Variants in PID1 observed in about 807,000 individuals in gnomAD.
PID1 encodes the protein phosphotyrosine interaction domain containing 1.
PID1 carries 10 observed loss-of-function variants against 19.1 expected under a neutral mutation model. The ratio of observed to expected loss-of-function variants is 0.52; its 90% CI spans 0.32 to 0.89. The LOEUF (loss-of-function observed/expected upper bound fraction) is 0.89. PID1 is among the 40% of genes least tolerant of loss of function. The pLI, the probability that PID1 is intolerant of heterozygous loss-of-function variation, is 0.03. For synonymous variants in PID1, 130 were observed against 116.0 expected (o/e 1.12, Z -0.78); for missense variants, 248 against 285.3 (o/e 0.87, Z 0.94).
intron 2 of PID1, among the ~76,000 whole-genome samples, chr2:229,147,824 A>T (rs895429479): frequency 2.6e-5 from 4 of 152,200 alleles, no homozygotes; most frequent in African/African-American, 9.6e-5. Context: ...TTTGCCCAAA[A>T]GTTGGGCTTT....
At chr2:229,140,878 A>C (rs958335772) in intron 2 of PID1, among the ~76,000 whole-genome samples, 1 of 152,134 alleles carries the variant, frequency 6.6e-6, no homozygotes, top group East Asian at 1.9e-4. Context: ...TATAATTATC[A>C]GTAGTGTTTC....
rs1693402100 is a variant in PID1 at position 229,025,765 on chromosome 2, T to A, written c.521A>T (p.Glu174Val). The A allele has an allele frequency of 6.2e-7, 1 of 1,614,242 alleles. No individual in the cohort carries two copies. The highest frequency in any genetic ancestry group is 2.2e-5 in the East Asian group (1 of 44,870). Residue 174 changes from glutamate to valine, a missense_variant, in exon 3 of 3, where the codon GAG (glutamate) becomes GTG (valine). Physicochemically the swap from Glu to Val is moderately radical, Grantham distance 121. Coordinates refer to ENST00000392055, the MANE Select transcript of PID1 (RefSeq NM_001100818.2). ...CATGGCGTGGGCCAGTTTCTTGGCC[T>A]CGAGCTTGCTCTCGCACTCCACGGC... is the stretch of plus-strand genomic sequence containing the variant. The part of the protein sequence containing the change: ...CHAVECESKL[E>V]AKKLAHAMME...
intron 1 of PID1, among the ~76,000 whole-genome samples, chr2:229,268,733 T>A (rs1690657715): frequency 6.6e-6 from 1 of 152,132 alleles, no homozygotes; most frequent in Admixed American, 6.5e-5. Flanking sequence ...TGATATCCAC[T>A]GCTATCTCTG....
rs77618885 is a variant in PID1, at chr2:229,063,687, T to C, written c.178-37579A>G. Among the ~76,000 whole-genome samples, 761 of 152,254 alleles carry C rather than the reference T, an allele frequency of 5.0e-3. 7 individuals carry two copies. The highest frequency in any genetic ancestry group is 0.017 in the African/African-American group (726 of 41,560). ...ATCCACTGTTTCCCTGTTGATTTTCTGTCTGGATGATCTATCCATTGCTGA... is the reference window on the plus strand; with the variant it reads ...ATCCACTGTTTCCCTGTTGATTTTCCGTCTGGATGATCTATCCATTGCTGA... On this transcript the variant is annotated intron_variant, in intron 2 of 2. Coordinates refer to ENST00000392055, the MANE Select transcript of PID1 (RefSeq NM_001100818.2).
intron 2 of PID1, among the ~76,000 whole-genome samples, chr2:229,048,909 C>T (rs891514439): frequency 6.6e-6 from 1 of 151,996 alleles, no homozygotes; most frequent in African/African-American, 2.4e-5. Context: ...ACCACAGGAC[C>T]TGAGAAATTA....
intron 1 of PID1, among the ~76,000 whole-genome samples, chr2:229,157,708 T>A (rs1246270102): frequency 6.6e-6 from 1 of 152,192 alleles, no homozygotes; most frequent in Non-Finnish European, 1.5e-5. Context: ...CAAGAGGCTA[T>A]GCATTGGAAC....
Position 229,046,584 on chromosome 2 carries a change from A to C in PID1, c.178-20476T>G, listed in dbSNP as rs547610674. Among the ~76,000 whole-genome samples the C allele has an allele frequency of 2.0e-5, 3 of 152,164 alleles. No homozygotes were observed. In the East Asian group the frequency reaches 5.8e-4, roughly 29 times the overall value. On this transcript the variant is annotated intron_variant, in intron 2 of 2. Coordinates refer to ENST00000392055, the MANE Select transcript of PID1 (RefSeq NM_001100818.2). ...ATTTCTTTCAGAAAAAGTAAAAAAAAAATTATATAATTTAAGCCCTAGATA... is the reference window on the plus strand; with the variant it reads ...ATTTCTTTCAGAAAAAGTAAAAAAACAATTATATAATTTAAGCCCTAGATA...
chr2:229,151,634 G>T lies in PID1; in HGVS notation c.177+4184C>A, dbSNP rs551368521. On this transcript the variant is annotated intron_variant, in intron 2 of 2. Coordinates refer to ENST00000392055, the MANE Select transcript of PID1 (RefSeq NM_001100818.2). ...CACCCAGGCTGGAGTGCAGTGGCACGATCTCGGCTCACTGCAAGCTCCACC... is the reference window on the plus strand; with the variant it reads ...CACCCAGGCTGGAGTGCAGTGGCACTATCTCGGCTCACTGCAAGCTCCACC... Among the ~76,000 whole-genome samples, 4 of 150,186 alleles carry T rather than the reference G, an allele frequency of 2.7e-5. 1 individual carries two copies. In the Middle Eastern group the frequency reaches 0.01, roughly 391 times the overall value.
At chr2:229,240,775 A>G (rs374402710) in intron 1 of PID1, among the ~76,000 whole-genome samples, 1 of 152,118 alleles carries the variant, frequency 6.6e-6, no homozygotes, top group Non-Finnish European at 1.5e-5. Flanking sequence ...GGAAATTTTT[A>G]TCCATTATTT....
intron 1 of PID1, among the ~76,000 whole-genome samples, chr2:229,193,746 G>T (rs1691313470): frequency 1.3e-5 from 2 of 150,048 alleles, no homozygotes; most frequent in South Asian, 4.2e-4. Flanking sequence ...ATACTTAATA[G>T]TATGTACTTA....
At chr2:229,066,087 C>A (rs1694319957) in intron 2 of PID1, among the ~76,000 whole-genome samples, 1 of 151,664 alleles carries the variant, frequency 6.6e-6, no homozygotes, top group South Asian at 2.1e-4. Context: ...AAGCCACACA[C>A]AAAAAAAGGA....
intron 2 of PID1, among the ~76,000 whole-genome samples, chr2:229,099,236 A>T (rs1482926754): frequency 6.6e-6 from 1 of 152,218 alleles, no homozygotes; most frequent in African/African-American, 2.4e-5. Flanking sequence ...CAGTAGAAAA[A>T]TTTAATTTTA....
intron 1 of PID1, among the ~76,000 whole-genome samples, chr2:229,199,203 CA>C (rs1200680570): frequency 3.3e-5 from 5 of 152,018 alleles, no homozygotes; most frequent in Non-Finnish European, 2.9e-5. Context: ...AGCACCTTCT[CA>C]GAAAGGTCTT....
At chr2:229,204,837 G>C (rs1030323350) in intron 1 of PID1, among the ~76,000 whole-genome samples, 1 of 152,026 alleles carries the variant, frequency 6.6e-6, no homozygotes, top group Non-Finnish European at 1.5e-5. Context: ...GTTATTAAAC[G>C]AATATATATT....
intron 1 of PID1, among the ~76,000 whole-genome samples, chr2:229,215,923 T>C (rs1176153566): frequency 6.6e-6 from 1 of 152,180 alleles, no homozygotes; most frequent in Non-Finnish European, 1.5e-5. Context: ...ACTTTAAAAA[T>C]ATAATCAAAA....
At chr2:229,244,189 T>C (rs1455730814) in intron 1 of PID1, among the ~76,000 whole-genome samples, 2 of 152,322 alleles carry the variant, frequency 1.3e-5, no homozygotes, top group African/African-American at 4.8e-5. Context: ...ACATGGGATT[T>C]TAATGTGACA....
chr2:229,027,777 C>T (rs1038314867), intron 2 of PID1, among the ~76,000 whole-genome samples: 6 of 152,204 alleles, frequency 3.9e-5, no homozygotes, highest in South Asian at 2.1e-4. Flanking sequence ...ACACGTAAAG[C>T]GGTAGCCTAA....
intron 2 of PID1, among the ~76,000 whole-genome samples, chr2:229,040,008 C>T (rs572633175): frequency 6.6e-6 from 1 of 151,268 alleles, no homozygotes; most frequent in Admixed American, 6.6e-5. Context: ...CCAAATAAAG[C>T]AGTTGAATAC....
At chr2:229,229,016 T>A (rs1380136981) in intron 1 of PID1, among the ~76,000 whole-genome samples, 1 of 152,176 alleles carries the variant, frequency 6.6e-6, no homozygotes, top group Non-Finnish European at 1.5e-5. Flanking sequence ...TGGAGTCTCA[T>A]CAAATTAGAT....
Sources: allele counts gnomAD v4.1 joint callset (sites outside exome capture counted in the v4.1 genomes callset), GRCh38; gene constraint gnomAD v4.1.1; transcripts MANE v1.5; gene names NCBI Gene and HGNC (gene_info 2026-07-23, HGNC 2026-07-21).